DYNC1I1: variants seen among roughly 807,000 people sequenced by gnomAD.
The protein encoded by DYNC1I1 is cytoplasmic dynein 1 intermediate chain 1.
In DYNC1I1, 43 loss-of-function variants were observed where a neutral mutation model predicts 86.6. The ratio of observed to expected loss-of-function variants is 0.50; its 90% CI spans 0.39 to 0.64. The LOEUF is 0.64. Ranked by LOEUF, DYNC1I1 falls within the 30% of genes least tolerant of loss-of-function variation. The pLI, the probability that DYNC1I1 is intolerant of heterozygous loss-of-function variation, is 0.00. For missense variants in DYNC1I1, 604 were observed against 788.8 expected (o/e 0.77, Z 2.81); for synonymous variants, 262 against 283.7 (o/e 0.92, Z 0.77).
intron 10 of DYNC1I1, among the ~76,000 whole-genome samples, chr7:96,018,424 A>G (rs747702999): frequency 9.2e-5 from 14 of 152,186 alleles, no homozygotes; most frequent in Non-Finnish European, 1.9e-4. Context: ...AAAAATATAT[A>G]TAGGCAAAAT....
At chr7:95,885,108 C>T (rs1790559205) in intron 6 of DYNC1I1, among the ~76,000 whole-genome samples, 4 of 151,996 alleles carry the variant, frequency 2.6e-5, no homozygotes. Context: ...TCTAGAAACC[C>T]TGTGTTTTCT....
chr7:95,834,860 C>G (rs574737738), intron 5 of DYNC1I1, among the ~76,000 whole-genome samples: 1 of 151,302 alleles, frequency 6.6e-6, no homozygotes, highest in African/African-American at 2.4e-5. Context: ...ATTCTTCTCT[C>G]TTTTTTTCTT....
intron 6 of DYNC1I1, among the ~76,000 whole-genome samples, chr7:95,873,997 G>A (rs1027345016): frequency 6.6e-6 from 1 of 152,150 alleles, no homozygotes; most frequent in African/African-American, 2.4e-5. Flanking sequence ...AAGTCCATGG[G>A]TCTATGCCTA....
chr7:95,982,527 C>G (rs185997636), intron 7 of DYNC1I1, among the ~76,000 whole-genome samples: 1 of 151,896 alleles, frequency 6.6e-6, no homozygotes, highest in Non-Finnish European at 1.5e-5. Context: ...TACATAGATA[C>G]CATTTTTTAT....
chr7:95,796,494 C>T (rs1245447978), intron 1 of DYNC1I1, among the ~76,000 whole-genome samples: 4 of 151,992 alleles, frequency 2.6e-5, no homozygotes, highest in African/African-American at 9.7e-5. Flanking sequence ...TCTTTAAGGC[C>T]TCACTTTCCT....
intron 6 of DYNC1I1, among the ~76,000 whole-genome samples, chr7:95,918,332 G>GT (rs1791521516): frequency 6.6e-6 from 1 of 152,118 alleles, no homozygotes. Flanking sequence ...GCCTGGTGTG[G>GT]TTTTTTGTTG....
At chr7:95,993,261 G>C (rs1194273589) in intron 9 of DYNC1I1, among the ~76,000 whole-genome samples, 4 of 152,162 alleles carry the variant, frequency 2.6e-5, no homozygotes, top group African/African-American at 9.7e-5. Context: ...CTCAGTTATA[G>C]AAATTATGCC....
At chr7:95,885,015 A>G (rs1469936425) in intron 6 of DYNC1I1, among the ~76,000 whole-genome samples, 3 of 152,230 alleles carry the variant, frequency 2.0e-5, no homozygotes, top group African/African-American at 7.2e-5. Context: ...TACCATTTGC[A>G]TGTATTCTAA....
At chr7:95,874,372 C>G (rs1790249053) in intron 6 of DYNC1I1, among the ~76,000 whole-genome samples, 2 of 151,984 alleles carry the variant, frequency 1.3e-5, no homozygotes, top group African/African-American at 2.4e-5. Context: ...TAGAAACTAA[C>G]TCTAATTAAG....
intron 6 of DYNC1I1, among the ~76,000 whole-genome samples, chr7:95,935,897 A>G (rs1176624267): frequency 6.6e-6 from 1 of 152,038 alleles, no homozygotes; most frequent in Non-Finnish European, 1.5e-5. Context: ...AATCAAAACC[A>G]CAATGAGATA....
intron 5 of DYNC1I1, among the ~76,000 whole-genome samples, chr7:95,852,671 T>A (rs989859942): frequency 6.6e-6 from 1 of 152,066 alleles, no homozygotes; most frequent in Non-Finnish European, 1.5e-5. Context: ...CACACCCAGC[T>A]GATTTTTGTG....
At chr7:95,972,830 A>G (rs1793210661) in intron 6 of DYNC1I1, among the ~76,000 whole-genome samples, 1 of 152,198 alleles carries the variant, frequency 6.6e-6, no homozygotes, top group Non-Finnish European at 1.5e-5. Flanking sequence ...GTAGTTACTC[A>G]TTCTTAGACC....
intron 16 of DYNC1I1, among the ~76,000 whole-genome samples, chr7:96,106,607 A>G (rs2116353378): frequency 6.8e-6 from 1 of 146,240 alleles, no homozygotes; most frequent in Non-Finnish European, 1.5e-5. Context: ...AGATTTTGCA[A>G]TAGACTTTAT....
chr7:95,879,755 A>G (rs887428311), intron 6 of DYNC1I1, among the ~76,000 whole-genome samples: 2 of 152,164 alleles, frequency 1.3e-5, no homozygotes, highest in South Asian at 4.1e-4. Flanking sequence ...AGGAATGCCT[A>G]CTTCCCTTTT....
intron 6 of DYNC1I1, among the ~76,000 whole-genome samples, chr7:95,951,780 T>C (rs569071334): frequency 1.3e-5 from 2 of 152,318 alleles, no homozygotes; most frequent in South Asian, 2.1e-4. Context: ...GCTGCACTTC[T>C]GAGTGGTTTC....
chr7:95,850,073 C>T (rs1041564926), intron 5 of DYNC1I1, among the ~76,000 whole-genome samples: 9 of 146,184 alleles, frequency 6.2e-5, no homozygotes, highest in East Asian at 4.0e-4. Flanking sequence ...TACAAGTTAA[C>T]GGCATTTGTT....
chr7:96,039,105 T>C (rs1031245064), intron 13 of DYNC1I1, among the ~76,000 whole-genome samples, 172 bp from the exon 14 acceptor site: 3 of 152,240 alleles, frequency 2.0e-5, no homozygotes, highest in African/African-American at 4.8e-5. Flanking sequence ...GGTAACATAT[T>C]TGCAAACAAT....
chr7:96,052,444 A>T lies in DYNC1I1; in HGVS notation c.1509+13023A>T, dbSNP rs368931984. 3.3e-5 allele frequency among the ~76,000 whole-genome samples: 5 copies of T among 152,262 alleles called. No individual in the cohort carries two copies. The South Asian group carries it at 1.0e-3, about 32-fold the overall frequency. On this transcript the variant is annotated intron_variant, in intron 14 of 16. Transcript: ENST00000447467. Reference sequence around the variant, plus strand: ...TAGTTAGTACTCTCTAGCTGTGTGAACCTAGAAAAGTTACTTAACCTCTCT... The same window carrying T: ...TAGTTAGTACTCTCTAGCTGTGTGATCCTAGAAAAGTTACTTAACCTCTCT...
At chr7:95,934,436 A>T (rs145620568) in intron 6 of DYNC1I1, among the ~76,000 whole-genome samples, 44 of 152,350 alleles carry the variant, frequency 2.9e-4, no homozygotes, top group Non-Finnish European at 5.0e-4. Context: ...GGCTTCCATT[A>T]TGTAAACCTG....
Sources: gnomAD v4.1 joint callset for allele counts (sites outside exome capture counted in the v4.1 genomes callset) on GRCh38, gnomAD v4.1.1 for gene constraint, MANE v1.5 for transcripts, NCBI Gene and HGNC (gene_info 2026-07-23, HGNC 2026-07-21) for gene names.